LTBP1: variants seen among roughly 807,000 people sequenced by gnomAD.
LTBP1 encodes the protein latent transforming growth factor beta binding protein 1.
A neutral mutation model predicts 207.6 loss-of-function variants in LTBP1; 129 were observed. That is an observed-to-expected ratio of 0.62 (90% CI 0.54 to 0.72). The LOEUF (loss-of-function observed/expected upper bound fraction) is 0.72. Among genes scored for constraint, LTBP1 ranks in the 30% least tolerant of loss-of-function variants. The pLI, the probability that LTBP1 is intolerant of heterozygous loss-of-function variation, is 0.00. For synonymous variants in LTBP1, 963 were observed against 833.7 expected, an observed-to-expected ratio of 1.16 and a Z score of -2.67; for missense variants, 2,281 against 2,217.2, an observed-to-expected ratio of 1.03 and a Z score of -0.58.
chr2:33,035,306 A>G (rs766422308), intron 3 of LTBP1, among the ~76,000 whole-genome samples: 16 of 152,248 alleles, frequency 1.1e-4, no homozygotes, highest in Non-Finnish European at 2.4e-4. Context: ...AACTGGCTAT[A>G]TACCTTGATA....
At chr2:33,264,750 C>CT (rs1166586439) in intron 15 of LTBP1, among the ~76,000 whole-genome samples, 12 of 152,168 alleles carry the variant, frequency 7.9e-5, no homozygotes, top group Non-Finnish European at 1.6e-4. Flanking sequence ...TTGAGACTCT[C>CT]TCACATTGCT....
intron 31 of LTBP1, among the ~76,000 whole-genome samples, chr2:33,378,466 A>C (rs1028726871): frequency 2.1e-4 from 32 of 152,082 alleles, no homozygotes. Flanking sequence ...TCCTGAGCTC[A>C]GGCAATCCAC....
chr2:33,277,043 T>C (rs1003741318), intron 18 of LTBP1, among the ~76,000 whole-genome samples: 4 of 152,196 alleles, frequency 2.6e-5, no homozygotes, highest in African/African-American at 9.7e-5. Context: ...CAGAGCCTAA[T>C]AGATCTGGGC....
chr2:32,965,942 C>T (rs1679938091), intron 2 of LTBP1, among the ~76,000 whole-genome samples: 1 of 152,126 alleles, frequency 6.6e-6, no homozygotes, highest in Non-Finnish European at 1.5e-5. Flanking sequence ...TTTTGCAGTC[C>T]CACCAGCAAC....
chr2:33,008,553 T>G (rs561579455), intron 2 of LTBP1, among the ~76,000 whole-genome samples: 30 of 152,356 alleles, frequency 2.0e-4, no homozygotes, highest in African/African-American at 7.2e-4. Context: ...TTCATTCATG[T>G]TAGCATTTAA....
intron 2 of LTBP1, among the ~76,000 whole-genome samples, chr2:33,006,433 G>A (rs1484102986): frequency 6.9e-6 from 1 of 145,858 alleles, no homozygotes; most frequent in Non-Finnish European, 1.5e-5. Context: ...ACCCAGGCTG[G>A]AGTGCAGTGG....
intron 24 of LTBP1, among the ~76,000 whole-genome samples, chr2:33,333,184 G>A (rs760116603): frequency 4.6e-5 from 7 of 151,778 alleles, no homozygotes; most frequent in Non-Finnish European, 1.0e-4. Context: ...ACTTCCTACA[G>A]TTGAAGTGAT....
intron 7 of LTBP1, among the ~76,000 whole-genome samples, chr2:33,201,467 G>C (rs973895227): frequency 2.7e-5 from 4 of 150,214 alleles, no homozygotes; most frequent in African/African-American, 9.9e-5. Context: ...ATCACACTCT[G>C]GGGACTGTTG....
At chr2:33,349,989 C>T (rs1485177102) in intron 26 of LTBP1, among the ~76,000 whole-genome samples, 1 of 152,064 alleles carries the variant, frequency 6.6e-6, no homozygotes, top group Non-Finnish European at 1.5e-5. Flanking sequence ...TTACAGAGGG[C>T]AAGAAAACAT....
intron 3 of LTBP1, among the ~76,000 whole-genome samples, chr2:33,060,670 T>C (rs1283526640): frequency 6.6e-6 from 1 of 151,628 alleles, no homozygotes; most frequent in African/African-American, 2.4e-5. Context: ...TGTGTGTGTG[T>C]GTGTGTGTGT....
At chr2:33,256,725 T>C (rs537264701) in intron 11 of LTBP1, among the ~76,000 whole-genome samples, 6 of 480 alleles carry the variant, frequency 0.013, no homozygotes, top group Admixed American at 0.034. Flanking sequence ...GAGGGCTAAC[T>C]ATATATATAT....
chr2:33,053,254 C>G (rs2076832619), intron 3 of LTBP1, among the ~76,000 whole-genome samples: 1 of 152,108 alleles, frequency 6.6e-6, no homozygotes, highest in African/African-American at 2.4e-5. Context: ...TACCCTGGCC[C>G]CTGCAACCCC....
chr2:33,148,632 A>G (rs1572859129), intron 5 of LTBP1, among the ~76,000 whole-genome samples: 1 of 151,956 alleles, frequency 6.6e-6, no homozygotes, highest in Non-Finnish European at 1.5e-5. Context: ...CTTATTCCCC[A>G]TCTCCAATTC....
At chr2:33,144,974 A>T (rs1005454745) in intron 5 of LTBP1, among the ~76,000 whole-genome samples, 5 of 152,238 alleles carry the variant, frequency 3.3e-5, no homozygotes, top group Admixed American at 2.6e-4. Context: ...AGGAAAATAA[A>T]ATAACTACCA....
At chr2:33,032,451 G>A (rs537126870) in intron 3 of LTBP1, among the ~76,000 whole-genome samples, 2 of 152,072 alleles carry the variant, frequency 1.3e-5, no homozygotes, top group Non-Finnish European at 2.9e-5. Context: ...TCTTCTCTGT[G>A]TTTTTCTTGC....
At chr2:33,133,212 A>C (rs1299430217) in intron 4 of LTBP1, among the ~76,000 whole-genome samples, 3 of 152,188 alleles carry the variant, frequency 2.0e-5, no homozygotes, top group Admixed American at 2.0e-4. Context: ...TTATGACCAC[A>C]GTTTTAATTT....
At chr2:33,111,930 A>G (rs1020702244) in intron 4 of LTBP1, among the ~76,000 whole-genome samples, 1 of 152,234 alleles carries the variant, frequency 6.6e-6, no homozygotes, top group African/African-American at 2.4e-5. Flanking sequence ...TTTGATTCTT[A>G]AAAATCCTTT....
chr2:33,185,669 C>T (rs2087118989), intron 5 of LTBP1, among the ~76,000 whole-genome samples: 2 of 152,222 alleles, frequency 1.3e-5, no homozygotes, highest in South Asian at 4.1e-4. Context: ...GTCATGGAAA[C>T]CAAGGGAAGA....
intron 3 of LTBP1, among the ~76,000 whole-genome samples, chr2:33,079,095 T>C (rs941084718): frequency 6.6e-5 from 10 of 152,152 alleles, no homozygotes; most frequent in African/African-American, 2.4e-4. Context: ...TTTTATCCTG[T>C]TAATTTTATT....
Sources: allele counts gnomAD v4.1 joint callset (sites outside exome capture counted in the v4.1 genomes callset), GRCh38; gene constraint gnomAD v4.1.1; transcripts MANE v1.5; gene names NCBI Gene and HGNC (gene_info 2026-07-23, HGNC 2026-07-21).